TMEM177: variants seen among roughly 807,000 people sequenced by gnomAD.
The protein encoded by TMEM177 is transmembrane protein 177.
TMEM177 carries 4 observed loss-of-function variants against 14.2 expected under a neutral mutation model. That is an observed-to-expected ratio of 0.28 (90% CI 0.14 to 0.64). The LOEUF (loss-of-function observed/expected upper bound fraction) is 0.64. Ranked by LOEUF, TMEM177 falls within the 30% of genes least tolerant of loss-of-function variation. The pLI is 0.82. For missense variants in TMEM177, 344 were observed against 405.2 expected, an observed-to-expected ratio of 0.85 and a Z score of 1.30; for synonymous variants, 179 against 174.5, an observed-to-expected ratio of 1.03 and a Z score of -0.20.
chr2:119,682,605 G>A (rs1198624685), downstream of TMEM177, among the ~76,000 whole-genome samples: 1 of 152,144 alleles, frequency 6.6e-6, no homozygotes, highest in African/African-American at 2.4e-5. Flanking sequence ...TGGACCTGAG[G>A]GGAGGGGAGG....
At chr2:119,720,280 T>A in the TMEM177 span, among the ~76,000 whole-genome samples, 2 of 148,922 alleles carry the variant, frequency 1.3e-5, no homozygotes, top group Non-Finnish European at 3.0e-5. Flanking sequence ...ATTCCCAACT[T>A]TTTTTTTTTT....
At chr2:119,716,186 G>C in the TMEM177 span, among the ~76,000 whole-genome samples, 1 of 152,180 alleles carries the variant, frequency 6.6e-6, no homozygotes, top group East Asian at 1.9e-4. Flanking sequence ...CCTTAGCCAG[G>C]CTGGACAGGG....
chr2:119,694,089 C>T, the TMEM177 span, among the ~76,000 whole-genome samples: 1 of 98,722 alleles, frequency 1.0e-5, no homozygotes. Context: ...ACACACCACA[C>T]ACATGGCACA....
the TMEM177 span, among the ~76,000 whole-genome samples, chr2:119,697,397 CTAAAAATA>C: frequency 1.3e-5 from 2 of 152,116 alleles, no homozygotes; most frequent in Admixed American, 6.6e-5. Flanking sequence ...CCCATCTCTA[CTAAAAATA>C]TAAAAATTAC....
chr2:119,696,545 G>A, the TMEM177 span, among the ~76,000 whole-genome samples: 1 of 152,200 alleles, frequency 6.6e-6, no homozygotes, highest in African/African-American at 2.4e-5. Flanking sequence ...CTAGTGAGAG[G>A]CACAGCCAAT....
the TMEM177 span, among the ~76,000 whole-genome samples, chr2:119,712,645 C>G: frequency 1.3e-5 from 2 of 152,200 alleles, no homozygotes; most frequent in Non-Finnish European, 2.9e-5. Flanking sequence ...ACCTCCACAG[C>G]TGTGAGAAAG....
At chr2:119,719,235 C>A in the TMEM177 span, among the ~76,000 whole-genome samples, 2 of 152,222 alleles carry the variant, frequency 1.3e-5, no homozygotes, top group African/African-American at 2.4e-5. Flanking sequence ...AAGGTGACAA[C>A]ACTCCTGAGC....
At chr2:119,696,986 C>G in the TMEM177 span, among the ~76,000 whole-genome samples, 1 of 152,166 alleles carries the variant, frequency 6.6e-6, no homozygotes, top group African/African-American at 2.4e-5. Context: ...CCAGCTACTC[C>G]GGTCTCTGAG....
At chr2:119,700,462 G>A in the TMEM177 span, among the ~76,000 whole-genome samples, 1 of 152,260 alleles carries the variant, frequency 6.6e-6, no homozygotes, top group South Asian at 2.1e-4. Context: ...ATCTCCATAC[G>A]CCAAACAGGT....
chr2:119,701,063 T>C, the TMEM177 span, among the ~76,000 whole-genome samples: 6 of 152,282 alleles, frequency 3.9e-5, no homozygotes, highest in East Asian at 1.2e-3. Context: ...AGGGCAGGAA[T>C]GTGTGGTGAC....
Position 119,681,849 on chromosome 2 carries a change from A to G in TMEM177, c.*60A>G. 1.3e-6 allele frequency: 2 copies of G among 1,535,174 alleles called. No homozygotes were observed. Among genetic ancestry groups the G allele is most frequent in the Non-Finnish European group, 1.8e-6 (2 of 1,124,830 alleles). On this transcript the variant is annotated 3_prime_UTR_variant, in exon 2 of 2. Transcript: ENST00000272521. ...GACACCACCCTGCCATTGAGTCTGG[A>G]GGGCCCTGTTGGAGCCTTTGGACCT...
downstream of TMEM177, chr2:119,685,550 T>TG: frequency 4.5e-6 from 3 of 665,112 alleles, no homozygotes; most frequent in South Asian, 5.1e-5. Flanking sequence ...AGTAACATAA[T>TG]GGGGCCTTTA....
At chr2:119,713,296 G>A in the TMEM177 span, among the ~76,000 whole-genome samples, 2 of 152,052 alleles carry the variant, frequency 1.3e-5, no homozygotes, top group South Asian at 2.1e-4. Flanking sequence ...TCCAACTCCC[G>A]ACCTCAGGTG....
the TMEM177 span, among the ~76,000 whole-genome samples, chr2:119,692,748 G>C: frequency 6.6e-6 from 1 of 152,088 alleles, no homozygotes; most frequent in African/African-American, 2.4e-5. Flanking sequence ...CAAGGCAGGT[G>C]GATCACTTGA....
Position 119,680,958 on chromosome 2 carries a change from C to A in TMEM177, c.105C>A (p.His35Gln), listed in dbSNP as rs149159317. ...TGTTTGGAGTTCCAATCTCGTACCACCTCTTCCCGGATCCCGTGGTCCAAT... is the reference window on the plus strand; with the variant it reads ...TGTTTGGAGTTCCAATCTCGTACCAACTCTTCCCGGATCCCGTGGTCCAAT... ...AGLFGVPISY[H>Q]LFPDPVVQWL... The change falls in exon 2 of 2, where the codon CAC becomes CAA. Residue 35 changes from histidine (H) to glutamine (Q), a missense_variant. Physicochemically the swap from His to Gln is conservative, Grantham distance 24 (BLOSUM62 0). Transcript: ENST00000272521. The A allele has an allele frequency of 2.4e-5, 38 of 1,614,096 alleles. No individual in the cohort carries two copies. The African/African-American group carries it at 4.5e-4, about 19-fold the overall frequency.
downstream of TMEM177, among the ~76,000 whole-genome samples, chr2:119,684,535 ATT>A (rs5833799): frequency 5.3e-5 from 8 of 151,738 alleles, no homozygotes; most frequent in East Asian, 1.6e-3. Flanking sequence ...TCTCCATAAT[ATT>A]TATTTTTTGC....
At chr2:119,683,769 CGT>C (rs1350063462), downstream of TMEM177, among the ~76,000 whole-genome samples, 11 of 152,180 alleles carry the variant, frequency 7.2e-5, no homozygotes, top group Admixed American at 5.9e-4. Flanking sequence ...TATGTGTGTG[CGT>C]GTGTGTGCGC....
At chr2:119,719,479 G>A in the TMEM177 span, among the ~76,000 whole-genome samples, 20 of 152,314 alleles carry the variant, frequency 1.3e-4, no homozygotes, top group African/African-American at 4.3e-4. Flanking sequence ...CCCCGGCCTC[G>A]TCAGTGACTG....
At chr2:119,679,719 G>C (rs1688846854) in intron 1 of TMEM177, 1 of 152,246 alleles carries the variant, frequency 6.6e-6, no homozygotes, top group African/African-American at 2.4e-5. Context: ...CCAGTTGGAC[G>C]GAAGTGTGGT....
Sources: gnomAD v4.1 joint callset for allele counts (sites outside exome capture counted in the v4.1 genomes callset) on GRCh38, gnomAD v4.1.1 for gene constraint, MANE v1.5 for transcripts, NCBI Gene and HGNC (gene_info 2026-07-23, HGNC 2026-07-21) for gene names.